The following ZEB2 variants were observed in gnomAD, a reference collection of about 807,000 sequenced individuals.
ZEB2 encodes the protein zinc finger E-box-binding homeobox 2.
Under a neutral mutation model 99.9 loss-of-function variants are expected in ZEB2, and 6 were observed. That is an observed-to-expected ratio of 0.06 (90% CI 0.03 to 0.12). ZEB2 has a LOEUF of 0.12. ZEB2 is among the 10% of genes least tolerant of loss of function. The pLI, the probability that ZEB2 is intolerant of heterozygous loss-of-function variation, is 1.00. For synonymous variants in ZEB2, 517 were observed against 542.5 expected (o/e 0.95, Z 0.65); for missense variants, 969 against 1,502.8 (o/e 0.64, Z 5.87).
At chr2:144,513,852 T>A in intron 2 of ZEB2, 1 of 1,532,848 alleles carries the variant, frequency 6.5e-7, no homozygotes, top group Non-Finnish European at 8.7e-7. Flanking sequence ...GGCTGGGTTT[T>A]CCCCCTCCTC....
At chr2:144,438,629 T>G (rs17738837) in intron 2 of ZEB2, among the ~76,000 whole-genome samples, 17,088 of 152,146 alleles carry the variant, frequency 0.11, 1,144 homozygotes, top group South Asian at 0.19. Context: ...TGAAAGGGGA[T>G]CATGCAATGG....
At chr2:144,476,145 C>G (rs1219533867) in intron 2 of ZEB2, among the ~76,000 whole-genome samples, 2 of 152,192 alleles carry the variant, frequency 1.3e-5, no homozygotes, top group East Asian at 3.9e-4. Flanking sequence ...TTTTCTACTA[C>G]TTATCTTTTT....
chr2:144,407,006 C>A (rs963510329), intron 4 of ZEB2, among the ~76,000 whole-genome samples: 2 of 152,126 alleles, frequency 1.3e-5, no homozygotes, highest in Admixed American at 6.5e-5. Flanking sequence ...TGCTAAGGTA[C>A]CTCCCTCAGG....
chr2:144,483,731 T>C (rs1573790061), intron 2 of ZEB2, among the ~76,000 whole-genome samples: 1 of 152,166 alleles, frequency 6.6e-6, no homozygotes. Context: ...GTGTAGGTAA[T>C]AGTGAGTCAG....
chr2:144,453,412 T>C (rs1165257910), intron 2 of ZEB2, among the ~76,000 whole-genome samples: 1 of 152,228 alleles, frequency 6.6e-6, no homozygotes, highest in Non-Finnish European at 1.5e-5. Flanking sequence ...TCCTTTCCCC[T>C]TACCTTCTTT....
chr2:144,517,399 T>C lies in ZEB2; in HGVS notation c.-49A>G. 1 of 1,603,674 alleles carries C rather than the reference T, an allele frequency of 6.2e-7. No individual in the cohort carries two copies. Among genetic ancestry groups the C allele is most frequent in the South Asian group, 1.1e-5 (1 of 90,868 alleles). On this transcript the variant is annotated 5_prime_UTR_variant, in exon 2 of 10. Coordinates refer to ENST00000627532, the MANE Select transcript of ZEB2 (RefSeq NM_014795.4). Reference sequence around the variant, plus strand: ...GTTCGCATGGACTCGGCGCCCTGCTTCGGCAGCACGCAGGCTCGATCTAGC... The same window carrying C: ...GTTCGCATGGACTCGGCGCCCTGCTCCGGCAGCACGCAGGCTCGATCTAGC...
chr2:144,495,025 T>A (rs1001725393), intron 2 of ZEB2: 1 of 152,258 alleles, frequency 6.6e-6, no homozygotes, highest in African/African-American at 2.4e-5. Context: ...CTTGTCTACA[T>A]GTGTATTTAT....
chr2:144,451,119 A>G (rs1704049523), intron 2 of ZEB2, among the ~76,000 whole-genome samples: 1 of 152,228 alleles, frequency 6.6e-6, no homozygotes, highest in South Asian at 2.1e-4. Flanking sequence ...AGAATATGTA[A>G]AAGAAAACAC....
At chr2:144,467,842 C>T (rs764112395) in intron 2 of ZEB2, among the ~76,000 whole-genome samples, 11 of 152,132 alleles carry the variant, frequency 7.2e-5, no homozygotes, top group Non-Finnish European at 1.0e-4. Flanking sequence ...AGTCTTGCCC[C>T]CTTTCCTACA....
chr2:144,440,513 ATATTTTTTTTTTT>A (rs1553964955), intron 2 of ZEB2, among the ~76,000 whole-genome samples: 3,909 of 22,080 alleles, frequency 0.18, 60 homozygotes, highest in Non-Finnish European at 0.23. Context: ...ATATATATAT[ATATTTTTTTTTTT>A]TTTTTTTTTT....
chr2:144,418,124 A>T (rs1703567860), intron 4 of ZEB2, among the ~76,000 whole-genome samples: 1 of 152,226 alleles, frequency 6.6e-6, no homozygotes, highest in Admixed American at 6.5e-5. Flanking sequence ...CTACATAAAA[A>T]TGAAATCAGA....
chr2:144,393,475 G>A (rs1242088778), intron 9 of ZEB2, among the ~76,000 whole-genome samples: 7 of 152,076 alleles, frequency 4.6e-5, no homozygotes, highest in African/African-American at 1.2e-4. Context: ...TTTATTTCCC[G>A]ACCTTAGAAT....
intron 2 of ZEB2, among the ~76,000 whole-genome samples, chr2:144,435,925 CTT>C (rs34346875): frequency 6.3e-5 from 9 of 143,098 alleles, no homozygotes; most frequent in Admixed American, 7.0e-5. Flanking sequence ...TTATCATTGA[CTT>C]TTTTTTTTTT....
At chr2:144,473,614 A>G (rs963666459) in intron 2 of ZEB2, among the ~76,000 whole-genome samples, 2 of 152,246 alleles carry the variant, frequency 1.3e-5, no homozygotes, top group African/African-American at 4.8e-5. Flanking sequence ...CAGGAATCTG[A>G]TGAGGCGGCA....
chr2:144,469,703 A>C (rs1474148689), intron 2 of ZEB2, among the ~76,000 whole-genome samples: 1 of 151,456 alleles, frequency 6.6e-6, no homozygotes, highest in Non-Finnish European at 1.5e-5. Flanking sequence ...TATTTTCCTC[A>C]TTATCATTAT....
chr2:144,502,116 A>G (rs776888263), intron 2 of ZEB2, among the ~76,000 whole-genome samples: 20 of 152,156 alleles, frequency 1.3e-4, no homozygotes, highest in Non-Finnish European at 1.8e-4. Context: ...TTTACCCCGG[A>G]GATTCCATTT....
chr2:144,509,299 C>A (rs576780137), intron 2 of ZEB2, among the ~76,000 whole-genome samples: 1 of 152,298 alleles, frequency 6.6e-6, no homozygotes, highest in Admixed American at 6.5e-5. Flanking sequence ...CTCCCACTTT[C>A]CCCGCAAGTG....
chr2:144,482,781 C>CT (rs1704532691), intron 2 of ZEB2, among the ~76,000 whole-genome samples: 1 of 151,334 alleles, frequency 6.6e-6, no homozygotes, highest in African/African-American at 2.4e-5. Flanking sequence ...TATCTTCTAC[C>CT]TTTTTACTTT....
At chr2:144,428,976 A>G (rs1703729783) in intron 3 of ZEB2, 1 of 152,274 alleles carries the variant, frequency 6.6e-6, no homozygotes, top group Admixed American at 6.5e-5. Flanking sequence ...TTACCATGTA[A>G]AGATGAGCAG....
Sources: allele counts gnomAD v4.1 joint callset (sites outside exome capture counted in the v4.1 genomes callset), GRCh38; gene constraint gnomAD v4.1.1; transcripts MANE v1.5; gene names NCBI Gene and HGNC (gene_info 2026-07-23, HGNC 2026-07-21).